The following PCDH9 variants were observed in gnomAD, a reference collection of about 807,000 sequenced individuals.
The protein encoded by PCDH9 is protocadherin-9.
Under a neutral mutation model 70.6 loss-of-function variants are expected in PCDH9, and 24 were observed. The ratio of observed to expected loss-of-function variants is 0.34; its 90% CI spans 0.25 to 0.48. The LOEUF (loss-of-function observed/expected upper bound fraction) is 0.48. Among genes scored for constraint, PCDH9 ranks in the 20% least tolerant of loss-of-function variants. The pLI, the probability that PCDH9 is intolerant of heterozygous loss-of-function variation, is 0.99. For missense variants in PCDH9, 1,281 were observed against 1,503.6 expected (o/e 0.85, Z 2.45); for synonymous variants, 562 against 558.5 (o/e 1.01, Z -0.09).
chr13:66,837,025 T>A (rs975188507), intron 3 of PCDH9, among the ~76,000 whole-genome samples: 10 of 152,168 alleles, frequency 6.6e-5, no homozygotes, highest in African/African-American at 2.4e-4. Flanking sequence ...CTTGTCAGCA[T>A]CCACATAAGA....
intron 3 of PCDH9, among the ~76,000 whole-genome samples, chr13:66,893,480 C>T (rs1413979774): frequency 6.6e-6 from 1 of 152,172 alleles, no homozygotes; most frequent in East Asian, 1.9e-4. Flanking sequence ...GATGCCTTCA[C>T]TTATTCAACC....
intron 3 of PCDH9, among the ~76,000 whole-genome samples, chr13:66,871,617 A>G (rs535417880): frequency 6.6e-4 from 101 of 152,130 alleles, no homozygotes; most frequent in Middle Eastern, 3.4e-3. Flanking sequence ...CTTCTAAATC[A>G]GGATAAGATT....
intron 2 of PCDH9, among the ~76,000 whole-genome samples, chr13:66,978,030 G>C (rs534064320): frequency 1.3e-5 from 2 of 152,000 alleles, no homozygotes; most frequent in Non-Finnish European, 1.5e-5. Context: ...AAGCCCTTTC[G>C]TAAGTGAAAA....
intron 4 of PCDH9, among the ~76,000 whole-genome samples, chr13:66,540,516 A>C (rs1437427300): frequency 6.6e-6 from 1 of 152,220 alleles, no homozygotes; most frequent in African/African-American, 2.4e-5. Flanking sequence ...GTTTCTTAAA[A>C]GCTCTCAAGG....
chr13:66,569,731 G>T (rs2076705858), intron 4 of PCDH9, among the ~76,000 whole-genome samples: 1 of 152,112 alleles, frequency 6.6e-6, no homozygotes, highest in Non-Finnish European at 1.5e-5. Context: ...TTATATAAGA[G>T]ATGGGATGAT....
At chr13:66,656,871 G>A (rs1189404207) in intron 3 of PCDH9, among the ~76,000 whole-genome samples, 2 of 152,166 alleles carry the variant, frequency 1.3e-5, no homozygotes, top group Non-Finnish European at 2.9e-5. Flanking sequence ...TTACCTCGTG[G>A]ATTCCAAGAC....
chr13:66,470,993 T>C (rs1463908042), intron 4 of PCDH9, among the ~76,000 whole-genome samples: 2 of 150,992 alleles, frequency 1.3e-5, no homozygotes, highest in African/African-American at 2.4e-5. Context: ...AAGGCAGCCT[T>C]TATTAATGCT....
At position 66,688,704 on chromosome 13, in the gene PCDH9, C is replaced by A. The variant is rs532044260; in HGVS notation, c.3139-57293G>T. On this transcript the variant is annotated intron_variant, in intron 3 of 4. Coordinates refer to ENST00000377865, the MANE Select transcript of PCDH9 (RefSeq NM_203487.3). Reference sequence around the variant, plus strand: ...ATTACAGAAACCACTGTCTGAAAGTCATCAAATTATAGAAACTTATTGATT... The same window carrying A: ...ATTACAGAAACCACTGTCTGAAAGTAATCAAATTATAGAAACTTATTGATT... 2.6e-5 allele frequency among the ~76,000 whole-genome samples: 4 copies of A among 152,212 alleles called. No homozygotes were observed. In the East Asian group the frequency reaches 7.7e-4, roughly 29 times the overall value.
chr13:66,686,839 A>G (rs1164520195), intron 3 of PCDH9, among the ~76,000 whole-genome samples: 1 of 152,178 alleles, frequency 6.6e-6, no homozygotes, highest in Non-Finnish European at 1.5e-5. Flanking sequence ...TAGAAAAATA[A>G]ACATATAGGG....
At chr13:66,376,550 T>C (rs1956750352) in intron 4 of PCDH9, among the ~76,000 whole-genome samples, 1 of 152,044 alleles carries the variant, frequency 6.6e-6, no homozygotes, top group East Asian at 1.9e-4. Flanking sequence ...TCATGAAAAC[T>C]AAGATGCTTT....
chr13:66,583,984 T>A (rs2076929848), intron 4 of PCDH9, among the ~76,000 whole-genome samples: 1 of 152,190 alleles, frequency 6.6e-6, no homozygotes, highest in Non-Finnish European at 1.5e-5. Context: ...GCTTTGTGTA[T>A]GTTTTCTCTC....
intron 2 of PCDH9, among the ~76,000 whole-genome samples, chr13:67,044,072 T>C (rs952214909): frequency 1.3e-5 from 2 of 152,002 alleles, no homozygotes; most frequent in Non-Finnish European, 2.9e-5. Flanking sequence ...ATTCCATCCC[T>C]GGAATGGGGG....
intron 4 of PCDH9, among the ~76,000 whole-genome samples, chr13:66,418,929 T>A (rs1331401161): frequency 6.6e-6 from 1 of 152,122 alleles, no homozygotes; most frequent in Non-Finnish European, 1.5e-5. Context: ...CTTACAGAAA[T>A]ACAAACTACC....
chr13:66,410,541 C>T (rs531247054), intron 4 of PCDH9, among the ~76,000 whole-genome samples: 63 of 152,296 alleles, frequency 4.1e-4, no homozygotes, highest in African/African-American at 1.5e-3. Flanking sequence ...AATGATTTCT[C>T]ATGTTCCAGA....
intron 2 of PCDH9, among the ~76,000 whole-genome samples, chr13:66,917,866 G>A (rs977001022): frequency 6.6e-6 from 1 of 151,190 alleles, no homozygotes; most frequent in South Asian, 2.1e-4. Flanking sequence ...CCCCTGAAGA[G>A]ACATCCCTAC....
chr13:67,029,080 T>C (rs1268264692), intron 2 of PCDH9, among the ~76,000 whole-genome samples: 1 of 152,022 alleles, frequency 6.6e-6, no homozygotes, highest in East Asian at 1.9e-4. Context: ...TAAAAATAAA[T>C]GAGGAAAAAT....
At chr13:66,659,572 C>G (rs1315160553) in intron 3 of PCDH9, among the ~76,000 whole-genome samples, 1 of 59,124 alleles carries the variant, frequency 1.7e-5, no homozygotes, top group Non-Finnish European at 3.5e-5. Flanking sequence ...TTTGGTAGAA[C>G]AAGCAAAGAA....
intron 4 of PCDH9, among the ~76,000 whole-genome samples, chr13:66,486,453 TC>T (rs57541992): frequency 0.86 from 129,831 of 150,164 alleles, 56,177 homozygotes; most frequent in South Asian, 0.91. Context: ...CTAGACCCTG[TC>T]CCCCCCCCAC....
At chr13:66,778,259 G>A (rs537542542) in intron 3 of PCDH9, among the ~76,000 whole-genome samples, 3 of 152,006 alleles carry the variant, frequency 2.0e-5, no homozygotes, top group East Asian at 3.9e-4. Flanking sequence ...TTGTGCACAC[G>A]TACCCTAAAA....
Sources: gnomAD v4.1 joint callset for allele counts (sites outside exome capture counted in the v4.1 genomes callset) on GRCh38, gnomAD v4.1.1 for gene constraint, MANE v1.5 for transcripts, NCBI Gene and HGNC (gene_info 2026-07-23, HGNC 2026-07-21) for gene names.